Variants in FAM227A observed in about 807,000 individuals in gnomAD.
The protein encoded by FAM227A is protein FAM227A.
FAM227A carries 80 observed loss-of-function variants against 74.7 expected under a neutral mutation model. That is an observed-to-expected ratio of 1.07 (90% CI 0.89 to 1.29). The LOEUF (loss-of-function observed/expected upper bound fraction) is 1.29, where lower values mean the gene tolerates loss of function less well. FAM227A is among the 50% of genes most tolerant of loss of function. The probability of loss-of-function intolerance (pLI) is 0.00; values close to 1 mark genes in which losing one functional copy is unlikely to be tolerated. For synonymous variants in FAM227A, 237 were observed against 241.8 expected (o/e 0.98, Z 0.19); for missense variants, 654 against 683.4 (o/e 0.96, Z 0.48).
chr22:38,623,179 C>A lies in FAM227A; in HGVS notation c.951G>T (p.Leu317=). 1 of 1,550,082 alleles carries A rather than the reference C, an allele frequency of 6.5e-7. No individual in the cohort carries two copies. The highest frequency in any genetic ancestry group is 1.2e-5 in the South Asian group (1 of 83,998). ...REELMLYRRR[L]TKGREFSLFA... ...CTGTACCTGCTATCTTACCCTTTGT[C>A]AGTCTTCTTCTGTACAACATTAATT... The change falls in exon 10 of 17, where the codon CTG becomes CTT. Residue 317 remains leucine (L), a synonymous_variant. Transcript: ENST00000535113.
At chr22:38,645,856 G>A (rs966065676) in intron 2 of FAM227A, among the ~76,000 whole-genome samples, 1 of 152,076 alleles carries the variant, frequency 6.6e-6, no homozygotes. Flanking sequence ...TGCAATCATG[G>A]GTCACTGCAG....
At chr22:38,617,911 C>A (rs2091612541) in intron 11 of FAM227A, among the ~76,000 whole-genome samples, 1 of 152,092 alleles carries the variant, frequency 6.6e-6, no homozygotes, top group Admixed American at 6.6e-5. Context: ...GACGCCACAG[C>A]ACTCTGGCCT....
At chr22:38,615,410 G>T (rs2091554726) in intron 11 of FAM227A, among the ~76,000 whole-genome samples, 2 of 152,228 alleles carry the variant, frequency 1.3e-5, no homozygotes, top group African/African-American at 4.8e-5. Context: ...GATTGAGATA[G>T]GTTATGGGAA....
chr22:38,648,645 A>C (rs1185375029), intron 2 of FAM227A, among the ~76,000 whole-genome samples: 1 of 150,314 alleles, frequency 6.7e-6, no homozygotes, highest in Non-Finnish European at 1.5e-5. Context: ...ACTCTTAAAA[A>C]CTCGACAGTA....
chr22:38,645,709 G>A, intron 2 of FAM227A, 64 bp from the exon 3 acceptor site: 1 of 1,053,730 alleles, frequency 9.5e-7, no homozygotes, highest in Non-Finnish European at 1.4e-6. Flanking sequence ...GATGGGGCTT[G>A]TCTGGTGAGA....
rs1320642267 is a variant in FAM227A at position 38,632,902 on chromosome 22, C to G, written c.519+3549G>C. On this transcript the variant is annotated intron_variant, in intron 6 of 16. Coordinates refer to ENST00000535113, the MANE Select transcript of FAM227A (RefSeq NM_001013647.2). The stretch of plus-strand genomic sequence containing the variant: ...TTCAGCAGTGGGTGAGGGTGGGAAC[C>G]CAGGCCACAGCTGGATGAAGAGAAT... Among the ~76,000 whole-genome samples the G allele has an allele frequency of 3.9e-5, 6 of 152,126 alleles. No individual in the cohort carries two copies. In the East Asian group the frequency reaches 9.6e-4, roughly 24 times the overall value.
At chr22:38,639,506 C>A in intron 4 of FAM227A, 149 bp downstream of exon 4, 1 of 791,112 alleles carries the variant, frequency 1.3e-6, no homozygotes. Context: ...CCTTCCTTGC[C>A]CAATGTCAAG....
chr22:38,622,365 A>G (rs2091708737), intron 10 of FAM227A, among the ~76,000 whole-genome samples: 1 of 152,154 alleles, frequency 6.6e-6, no homozygotes, highest in Non-Finnish European at 1.5e-5. Context: ...CAGAAGCCCC[A>G]TTTCTGGGGC....
Position 38,582,892 on chromosome 22 carries a change from A to T in FAM227A, c.*3233T>A. 1 of 1,550,554 alleles carries T rather than the reference A, an allele frequency of 6.4e-7. No homozygotes were observed. Among genetic ancestry groups the T allele is most frequent in the Non-Finnish European group, 8.7e-7 (1 of 1,146,984 alleles). On this transcript the variant is annotated 3_prime_UTR_variant, in exon 17 of 17. Coordinates refer to ENST00000535113, the MANE Select transcript of FAM227A (RefSeq NM_001013647.2). ...TCCTGGTATATTAGGGAAGGCTCCC[A>T]AGATGAGGGACGTCTAAGCGGGGTC...
chr22:38,611,451 A>G (rs2091412006), intron 11 of FAM227A, among the ~76,000 whole-genome samples: 1 of 152,154 alleles, frequency 6.6e-6, no homozygotes, highest in Non-Finnish European at 1.5e-5. Flanking sequence ...GACTATATCT[A>G]TGCTGTTGAA....
rs557197436 is a variant in FAM227A, at chr22:38,610,919, G to A, written c.1039-3443C>T. ...TACTAAAAATACAAAAATTAGCGGG[G>A]AGTGGTGGCAGGCACCTGTAACCCC... On this transcript the variant is annotated intron_variant, in intron 11 of 16. Transcript: ENST00000535113. Among the ~76,000 whole-genome samples the A allele has an allele frequency of 2.0e-5, 3 of 152,172 alleles. No individual in the cohort carries two copies. The South Asian group carries it at 6.2e-4, about 32-fold the overall frequency.
intron 16 of FAM227A, 46 bp from the exon 17 acceptor site, chr22:38,586,245 T>A: frequency 6.5e-7 from 1 of 1,543,480 alleles, no homozygotes; most frequent in Non-Finnish European, 8.8e-7. Flanking sequence ...ATTTAAAAAA[T>A]GTAATTTCTT....
In FAM227A at chr22:38,578,776, A is replaced by C. The variant is rs2090682597; in HGVS notation, c.*7349T>G. On this transcript the variant is annotated 3_prime_UTR_variant, in exon 17 of 17. Coordinates refer to ENST00000535113, the MANE Select transcript of FAM227A (RefSeq NM_001013647.2). The stretch of plus-strand genomic sequence containing the variant: ...AGGGCGGGAAAGGCAGAAGGAACAC[A>C]GAGGCTTATTTGGGGAACTGCAAGT... 6.6e-6 allele frequency: 1 copy of C among 152,254 alleles called. No individual in the cohort carries two copies. The highest frequency in any genetic ancestry group is 2.4e-5 in the African/African-American group (1 of 41,446). The allele number at this position is 152,254 out of a possible 1,614,324, so 9.4% of individuals were successfully genotyped here.
chr22:38,623,329 C>G, intron 9 of FAM227A, 50 bp from the exon 10 acceptor site: 42 of 1,277,496 alleles, frequency 3.3e-5, no homozygotes, highest in Non-Finnish European at 4.4e-5. Flanking sequence ...GTGGATCACG[C>G]CTGTAATCCC....
At chr22:38,630,486 T>C (rs1020800731) in intron 6 of FAM227A, among the ~76,000 whole-genome samples, 5 of 152,210 alleles carry the variant, frequency 3.3e-5, no homozygotes, top group Admixed American at 2.0e-4. Flanking sequence ...CTGTGCTCGA[T>C]TCTTTCACAA....
intron 13 of FAM227A, among the ~76,000 whole-genome samples, chr22:38,601,419 G>A (rs1019528295): frequency 1.3e-5 from 2 of 151,834 alleles, no homozygotes; most frequent in African/African-American, 4.8e-5. Context: ...GTGGCTGAGG[G>A]GCAGAAATGA....
intron 7 of FAM227A, 66 bp from the exon 8 acceptor site, chr22:38,628,408 A>T: frequency 1.0e-6 from 1 of 963,428 alleles, no homozygotes; most frequent in Non-Finnish European, 1.6e-6. Flanking sequence ...AGGGGCTGGG[A>T]TTTTTAAATC....
intron 14 of FAM227A, among the ~76,000 whole-genome samples, chr22:38,599,561 G>A (rs1233746448): frequency 6.6e-6 from 1 of 152,186 alleles, no homozygotes; most frequent in Non-Finnish European, 1.5e-5. Flanking sequence ...CTCATGGCCA[G>A]TTCACGAGGC....
chr22:38,590,269 G>T (rs2146136593), intron 16 of FAM227A, among the ~76,000 whole-genome samples: 1 of 115,978 alleles, frequency 8.6e-6, no homozygotes, highest in South Asian at 2.9e-4. Context: ...GACAGAAGGA[G>T]ACTCCATCTC....
Sources: gnomAD v4.1 joint callset for allele counts (sites outside exome capture counted in the v4.1 genomes callset) on GRCh38, gnomAD v4.1.1 for gene constraint, MANE v1.5 for transcripts, NCBI Gene and HGNC (gene_info 2026-07-23, HGNC 2026-07-21) for gene names.